BTBD9: variants seen among roughly 807,000 people sequenced by gnomAD.
BTBD9 encodes BTB/POZ domain-containing protein 9.
Under a neutral mutation model 64.3 loss-of-function variants are expected in BTBD9, and 49 were observed. That is an observed-to-expected ratio of 0.76 (90% CI 0.61 to 0.97). BTBD9 has a LOEUF of 0.97. Ranked by LOEUF, BTBD9 falls within the 50% of genes least tolerant of loss-of-function variation. The probability of loss-of-function intolerance (pLI) is 0.00; values close to 1 mark genes in which losing one functional copy is unlikely to be tolerated. For synonymous variants in BTBD9, 260 were observed against 274.7 expected, an observed-to-expected ratio of 0.95 and a Z score of 0.53; for missense variants, 598 against 762.1, an observed-to-expected ratio of 0.78 and a Z score of 2.53.
At chr6:38,417,775 GGAGAGAGA>G (rs1554149267) in intron 6 of BTBD9, among the ~76,000 whole-genome samples, 2 of 135,644 alleles carry the variant, frequency 1.5e-5, no homozygotes, top group Non-Finnish European at 3.0e-5. Context: ...CCTGTCTCGA[GGAGAGAGA>G]GAGAGAGAGA....
chr6:38,216,433 T>C (rs2127503157), intron 9 of BTBD9, among the ~76,000 whole-genome samples: 1 of 152,302 alleles, frequency 6.6e-6, no homozygotes, highest in East Asian at 1.9e-4. Context: ...AGCAAGTCTA[T>C]CAAGCCTTCT....
At chr6:38,259,377 G>A (rs534024131) in intron 8 of BTBD9, among the ~76,000 whole-genome samples, 2 of 152,194 alleles carry the variant, frequency 1.3e-5, no homozygotes, top group East Asian at 1.9e-4. Flanking sequence ...TGTGTTTTCC[G>A]TTTTCCTTCA....
intron 7 of BTBD9, among the ~76,000 whole-genome samples, chr6:38,317,021 G>A (rs996509960): frequency 6.6e-6 from 1 of 151,818 alleles, no homozygotes; most frequent in African/African-American, 2.4e-5. Flanking sequence ...TTTTTAGATG[G>A]AGTCTTGCTC....
intron 7 of BTBD9, among the ~76,000 whole-genome samples, chr6:38,340,317 G>A (rs1397376205): frequency 1.3e-5 from 2 of 152,080 alleles, no homozygotes; most frequent in Non-Finnish European, 2.9e-5. Flanking sequence ...AAGCCTTCAG[G>A]AAGGAATGGC....
rs77422584 is a variant in BTBD9, at chr6:38,612,663, T to C, written c.-27-14542A>G. On this transcript the variant is annotated intron_variant, in intron 1 of 10. Transcript: ENST00000481247. ...CATGATGAGTAACAATGTGGGGAAA[T>C]GCAGAGTCTCAATTTAGAAAGAAAA... Among the ~76,000 whole-genome samples the C allele has an allele frequency of 3.6e-3, 554 of 152,228 alleles. 3 individuals are homozygous for C. Among genetic ancestry groups the C allele is most frequent in the African/African-American group, 0.013 (530 of 41,538 alleles).
At chr6:38,363,190 C>T (rs760065373) in intron 6 of BTBD9, among the ~76,000 whole-genome samples, 50 of 152,234 alleles carry the variant, frequency 3.3e-4, no homozygotes, top group Non-Finnish European at 6.2e-4. Context: ...CTGGGCTCAA[C>T]GATTCCACCT....
chr6:38,329,119 G>C (rs13200847), intron 7 of BTBD9, among the ~76,000 whole-genome samples: 1 of 151,548 alleles, frequency 6.6e-6, no homozygotes, highest in Non-Finnish European at 1.5e-5. Context: ...TGAATATTCA[G>C]AAATTTTGAT....
chr6:38,357,631 G>A (rs1764780377), intron 6 of BTBD9, among the ~76,000 whole-genome samples: 1 of 152,140 alleles, frequency 6.6e-6, no homozygotes, highest in African/African-American at 2.4e-5. Flanking sequence ...GTCTTTGCTG[G>A]ACTTACTGAG....
rs59014161 is a variant in BTBD9, at chr6:38,505,964, C to CAAAAAA, written c.1154+71630_1154+71635dup. On this transcript the variant is annotated intron_variant, in intron 6 of 10. Transcript: ENST00000481247. ...TGGCAACAGCATGGCTCCGTCTCAA[C>CAAAAAA]AAAAAAAAAAAAAAAAAAAAGGAAC... is the stretch of plus-strand genomic sequence containing the variant. 1.5e-3 allele frequency among the ~76,000 whole-genome samples: 124 copies of CAAAAAA among 82,458 alleles called. 3 individuals are homozygous for CAAAAAA. Among genetic ancestry groups the CAAAAAA allele is most frequent in the Middle Eastern group, 0.026 (2 of 76 alleles). 54.1% of individuals were successfully genotyped at this position (82,458 alleles called of 152,430 possible).
intron 6 of BTBD9, among the ~76,000 whole-genome samples, chr6:38,516,032 C>A (rs945674872): frequency 1.3e-5 from 2 of 152,122 alleles, no homozygotes; most frequent in African/African-American, 4.8e-5. Context: ...AAATCACAGT[C>A]ATCAACAAAA....
At chr6:38,394,098 T>G (rs1452249635) in intron 6 of BTBD9, among the ~76,000 whole-genome samples, 2 of 152,182 alleles carry the variant, frequency 1.3e-5, no homozygotes, top group East Asian at 3.9e-4. Flanking sequence ...GAACCTATGA[T>G]GTGTTGTCAA....
At chr6:38,392,179 C>A (rs537030223) in intron 6 of BTBD9, among the ~76,000 whole-genome samples, 82 of 151,848 alleles carry the variant, frequency 5.4e-4, no homozygotes, top group African/African-American at 1.9e-3. Flanking sequence ...TGGCACAGAC[C>A]AGCAAGAGGA....
chr6:38,429,351 A>C (rs1226182224), intron 6 of BTBD9, among the ~76,000 whole-genome samples: 4 of 150,370 alleles, frequency 2.7e-5, no homozygotes, highest in Non-Finnish European at 5.9e-5. Context: ...GCTACTCGGG[A>C]GGCTGAGGCA....
At chr6:38,582,240 G>A (rs1776322325) in intron 4 of BTBD9, among the ~76,000 whole-genome samples, 2 of 152,128 alleles carry the variant, frequency 1.3e-5, no homozygotes, top group Non-Finnish European at 2.9e-5. Flanking sequence ...AAGTGCTATC[G>A]ATTTATAACT....
intron 6 of BTBD9, among the ~76,000 whole-genome samples, chr6:38,351,255 C>T (rs140873340): frequency 5.1e-4 from 77 of 152,314 alleles, no homozygotes; most frequent in Non-Finnish European, 1.0e-3. Context: ...AAACACTACA[C>T]ACAGGGCTAA....
chr6:38,408,110 A>G (rs931082316), intron 6 of BTBD9, among the ~76,000 whole-genome samples: 5 of 152,316 alleles, frequency 3.3e-5, no homozygotes, highest in African/African-American at 9.6e-5. Flanking sequence ...TAATCTCAGC[A>G]CTTTGAGAGG....
chr6:38,417,775 G>GGAGA lies in BTBD9; in HGVS notation c.1155-72686_1155-72683dup, dbSNP rs1554149267. On this transcript the variant is annotated intron_variant, in intron 6 of 10. Transcript: ENST00000481247. ...GTGACAGAGCAACACCCTGTCTCGA[G>GGAGA]GAGAGAGAGAGAGAGAGAGAGAGAG... Among the ~76,000 whole-genome samples, 57 of 135,728 alleles carry GGAGA rather than the reference G, an allele frequency of 4.2e-4. 2 individuals carry two copies. Among genetic ancestry groups the GGAGA allele is most frequent in the Middle Eastern group, 3.5e-3 (1 of 288 alleles). The allele number at this position is 135,728 out of a possible 152,430, so 89.0% of individuals were successfully genotyped here.
intron 10 of BTBD9, among the ~76,000 whole-genome samples, chr6:38,189,437 C>T (rs1475430723): frequency 6.6e-6 from 1 of 152,182 alleles, no homozygotes; most frequent in East Asian, 1.9e-4. Context: ...CAGTAAAGAA[C>T]ATTCTCTGAG....
intron 9 of BTBD9, among the ~76,000 whole-genome samples, chr6:38,197,202 C>A (rs968672118): frequency 3.3e-5 from 5 of 152,152 alleles, no homozygotes; most frequent in Non-Finnish European, 5.9e-5. Context: ...GTTCCCAACA[C>A]AATCTTTTGG....
Sources: allele counts gnomAD v4.1 joint callset (sites outside exome capture counted in the v4.1 genomes callset), GRCh38; gene constraint gnomAD v4.1.1; transcripts MANE v1.5; gene names NCBI Gene and HGNC (gene_info 2026-07-23, HGNC 2026-07-21).